Variants in SAR1B observed in about 807,000 individuals in gnomAD.
The protein encoded by SAR1B is small COPII coat GTPase SAR1B.
In SAR1B, 23 loss-of-function variants were observed where a neutral mutation model predicts 26.8. That is an observed-to-expected ratio of 0.86 (90% CI 0.62 to 1.22). The LOEUF (loss-of-function observed/expected upper bound fraction) is 1.22. Ranked by LOEUF, SAR1B falls within the 50% of genes most tolerant of loss-of-function variation. SAR1B has a pLI of 0.00. For missense variants in SAR1B, 196 were observed against 232.8 expected (o/e 0.84, Z 1.03); for synonymous variants, 65 against 80.8 (o/e 0.80, Z 1.05).
At chr5:134,616,709 C>G (rs552873981) in intron 3 of SAR1B, among the ~76,000 whole-genome samples, 12 of 152,308 alleles carry the variant, frequency 7.9e-5, no homozygotes, top group Middle Eastern at 3.4e-3. Flanking sequence ...CCGGAAGCAA[C>G]CACTGATCTG....
In SAR1B at chr5:134,606,698, TGGG is replaced by T. The variant is rs1765133044; in HGVS notation, c.*249_*251del. 4.7e-6 allele frequency: 2 copies of T among 428,442 alleles called. No individual in the cohort carries two copies. Among genetic ancestry groups the T allele is most frequent in the East Asian group, 4.8e-5 (1 of 20,844 alleles). 26.5% of individuals were successfully genotyped at this position (428,442 alleles called of 1,614,324 possible). A position where few individuals can be genotyped will look rare whatever the true frequency, so the allele number is the denominator to read the frequency against. On this transcript the variant is annotated 3_prime_UTR_variant, in exon 7 of 7. Coordinates refer to ENST00000402673, the MANE Select transcript of SAR1B (RefSeq NM_016103.4). ...GAAAGTTGCTCTTTACAAATGGCGC[TGGG>T]GTGATGTCAGATTATAAACTGTAAA...
Position 134,621,198 on chromosome 5 carries a change from G to A in SAR1B, c.59-146C>T, listed in dbSNP as rs1253338833. 7.9e-5 allele frequency: 69 copies of A among 874,254 alleles called. No individual in the cohort carries two copies. The East Asian group carries it at 1.1e-3, about 14-fold the overall frequency. The allele number at this position is 874,254 out of a possible 1,614,324, so 54.2% of individuals were successfully genotyped here. On this transcript the variant is annotated intron_variant, in intron 2 of 6. Transcript: ENST00000402673. ...TTTAAATCTATTCATGGCCGGGCAC[G>A]GTGGCTCACACCTGTAGTCCCAGCA...
chr5:134,614,000 C>T (rs1353083340), intron 3 of SAR1B: 1 of 152,048 alleles, frequency 6.6e-6, no homozygotes, highest in African/African-American at 2.4e-5. Flanking sequence ...TACTATTAAT[C>T]CTATCCAGTG....
intron 1 of SAR1B, among the ~76,000 whole-genome samples, chr5:134,628,139 G>A (rs951368031): frequency 1.3e-5 from 2 of 150,880 alleles, no homozygotes; most frequent in Non-Finnish European, 2.9e-5. Flanking sequence ...GCAAGACTCC[G>A]TCTCAAAAAA....
Position 134,609,681 on chromosome 5 carries a change from A to C in SAR1B, c.245-7T>G. On this transcript the variant is annotated splice_region_variant and splice_polypyrimidine_tract_variant and intron_variant, in intron 4 of 6. Coordinates refer to ENST00000402673, the MANE Select transcript of SAR1B (RefSeq NM_016103.4). ...TTTTTCCACACTCTTCGAGCTAACA[A>C]AAACAATCAGGGGTTAGAGTTTACT... The C allele has an allele frequency of 6.2e-7, 1 of 1,611,498 alleles. No homozygotes were observed. Among genetic ancestry groups the C allele is most frequent in the Non-Finnish European group, 8.5e-7 (1 of 1,177,580 alleles).
Position 134,606,986 on chromosome 5 carries a change from T to TC in SAR1B, c.560dup (p.Glu188ArgfsTer11). ...ACTGTGCCATCCAGCGGAAGCCTTC[T>TC]CCGTAACCTTGTCTTTTGAGCACAC... On this transcript the variant is annotated frameshift_variant, in exon 7 of 7. Transcript: ENST00000402673. LOFTEE classifies it high-confidence loss of function. 2 of 1,614,090 alleles carry TC rather than the reference T, an allele frequency of 1.2e-6. No homozygotes were observed. Among genetic ancestry groups the TC allele is most frequent in the Non-Finnish European group, 1.7e-6 (2 of 1,179,956 alleles).
chr5:134,614,170 A>AAATTTTCAT (rs1282264122), intron 3 of SAR1B: 2 of 152,184 alleles, frequency 1.3e-5, no homozygotes, highest in African/African-American at 4.8e-5. Context: ...GAAAAAAAAG[A>AAATTTTCAT]AATTTTCATT....
At chr5:134,614,497 T>TA (rs1453166965) in intron 3 of SAR1B, 1 of 152,234 alleles carries the variant, frequency 6.6e-6, no homozygotes, top group Non-Finnish European at 1.5e-5. Flanking sequence ...GTTAGAAGGC[T>TA]AAATGGGATT....
intron 1 of SAR1B, among the ~76,000 whole-genome samples, chr5:134,627,868 A>G (rs1440905379): frequency 7.2e-6 from 1 of 138,294 alleles, no homozygotes; most frequent in African/African-American, 2.7e-5. Context: ...GGCCGGGAGC[A>G]GTGGCTCACG....
rs746798870 is a variant in SAR1B at position 134,607,088 on chromosome 5, T to A, written c.481-22A>T. On this transcript the variant is annotated intron_variant, in intron 6 of 6. Transcript: ENST00000402673. Reference sequence around the variant, plus strand: ...TCCCCTAGAATAGAAGAGAGACATTTCGTTGGAATTTTATAAAATTAATAA... The same window carrying A: ...TCCCCTAGAATAGAAGAGAGACATTACGTTGGAATTTTATAAAATTAATAA... 2.8e-6 allele frequency: 4 copies of A among 1,454,068 alleles called. No homozygotes were observed. The Admixed American group carries it at 6.7e-5, about 24-fold the overall frequency. 90.1% of individuals were successfully genotyped at this position (1,454,068 alleles called of 1,614,324 possible). A position where few individuals can be genotyped will look rare whatever the true frequency, so the allele number is the denominator to read the frequency against.
intron 1 of SAR1B, among the ~76,000 whole-genome samples, chr5:134,628,806 A>G (rs542718310): frequency 6.6e-6 from 1 of 152,076 alleles, no homozygotes; most frequent in East Asian, 1.9e-4. Context: ...GGCACCCACC[A>G]CCAAGCCCAG....
chr5:134,626,298 CAAAAAAAA>C (rs35668627), intron 1 of SAR1B, among the ~76,000 whole-genome samples: 7 of 53,110 alleles, frequency 1.3e-4, no homozygotes, highest in Non-Finnish European at 1.8e-4. Flanking sequence ...GACTCTGCCT[CAAAAAAAA>C]AAAAAAAAAA....
chr5:134,606,964 G>A lies in SAR1B; in HGVS notation c.583C>T (p.Gln195Ter). The change falls in exon 7 of 7, where the codon CAG becomes TAG. Residue 195 changes from glutamine (Q) to a stop codon, truncating the protein, a stop_gained. Coordinates refer to ENST00000402673, the MANE Select transcript of SAR1B (RefSeq NM_016103.4). LOFTEE classifies it high-confidence loss of function. The stretch of plus-strand genomic sequence containing the variant: ...GTGAGTTTGTGTTAATCAATGTACT[G>A]TGCCATCCAGCGGAAGCCTTCTCCG... ...GYGEGFRWMA[Q>*]YID 6.2e-7 allele frequency: 1 copy of A among 1,611,236 alleles called. No individual in the cohort carries two copies. Among genetic ancestry groups the A allele is most frequent in the Non-Finnish European group, 8.5e-7 (1 of 1,177,366 alleles).
chr5:134,623,635 T>G (rs1765449822), intron 2 of SAR1B, among the ~76,000 whole-genome samples: 1 of 151,942 alleles, frequency 6.6e-6, no homozygotes, highest in South Asian at 2.1e-4. Context: ...TTAAATGACA[T>G]AAAGCATTAA....
chr5:134,609,491 C>G, intron 5 of SAR1B, 80 bp downstream of exon 5: 1 of 1,140,160 alleles, frequency 8.8e-7, no homozygotes, highest in Non-Finnish European at 1.3e-6. Flanking sequence ...AAGCTGCACT[C>G]TGATACCTGT....
Position 134,606,834 on chromosome 5 carries a change from A to G in SAR1B, c.*116T>C. ...TAAGTTGATTTAATATTAATAATCT[A>G]AAAAACATCTGTTTTATAACCAGCA... On this transcript the variant is annotated 3_prime_UTR_variant, in exon 7 of 7. Coordinates refer to ENST00000402673, the MANE Select transcript of SAR1B (RefSeq NM_016103.4). 1.3e-6 allele frequency: 1 copy of G among 773,088 alleles called. No homozygotes were observed. The highest frequency in any genetic ancestry group is 1.4e-5 in the South Asian group (1 of 72,350). 47.9% of individuals were successfully genotyped at this position (773,088 alleles called of 1,614,324 possible).
chr5:134,614,529 T>A (rs758894893), intron 3 of SAR1B: 2 of 152,252 alleles, frequency 1.3e-5, no homozygotes, highest in Non-Finnish European at 2.9e-5. Context: ...CCTGGCCCCA[T>A]GAGAGCTCTA....
chr5:134,606,775 C>G lies in SAR1B; in HGVS notation c.*175G>C. 1 of 619,510 alleles carries G rather than the reference C, an allele frequency of 1.6e-6. No homozygotes were observed. The highest frequency in any genetic ancestry group is 1.7e-5 in the South Asian group (1 of 58,494). 38.4% of individuals were successfully genotyped at this position (619,510 alleles called of 1,614,324 possible). A position where few individuals can be genotyped will look rare whatever the true frequency, so the allele number is the denominator to read the frequency against. On this transcript the variant is annotated 3_prime_UTR_variant, in exon 7 of 7. Coordinates refer to ENST00000402673, the MANE Select transcript of SAR1B (RefSeq NM_016103.4). ...GAAAGCTAACATTGTGATACTCAAA[C>G]TTACTTGAATCAGTTTTCAATTCTC...
chr5:134,609,540 G>T, intron 5 of SAR1B, 31 bp downstream of exon 5: 2 of 1,542,830 alleles, frequency 1.3e-6, no homozygotes, highest in South Asian at 2.2e-5. Context: ...AGAGTGATTT[G>T]ACTATATTTA....
Sources: allele counts gnomAD v4.1 joint callset (sites outside exome capture counted in the v4.1 genomes callset), GRCh38; gene constraint gnomAD v4.1.1; transcripts MANE v1.5; gene names NCBI Gene and HGNC (gene_info 2026-07-23, HGNC 2026-07-21).